The following SECISBP2L variants were observed in gnomAD, a reference collection of about 807,000 sequenced individuals.
SECISBP2L encodes selenocysteine insertion sequence-binding protein 2-like.
SECISBP2L carries 43 observed loss-of-function variants against 114.7 expected under a neutral mutation model. The observed-to-expected ratio is 0.38, with a 90% CI of 0.29 to 0.48. The LOEUF is 0.48. SECISBP2L is among the 20% of genes least tolerant of loss of function. The pLI is 0.98. For missense variants in SECISBP2L, 1,136 were observed against 1,301.1 expected (o/e 0.87, Z 1.95); for synonymous variants, 451 against 439.7 (o/e 1.03, Z -0.32).
In SECISBP2L at chr15:49,046,432, T is replaced by G; in HGVS notation, c.-133A>C. 3 of 1,002,724 alleles carry G rather than the reference T, an allele frequency of 3.0e-6. No individual in the cohort carries two copies. The highest frequency in any genetic ancestry group is 4.1e-6 in the Non-Finnish European group (3 of 731,460). The allele number at this position is 1,002,724 out of a possible 1,614,324, so 62.1% of individuals were successfully genotyped here. ...CCTATCTGGCTGGCCGCGACACCGA[T>G]TCGGCTACGCCACTGGCCGAGGAGG... is the stretch of plus-strand genomic sequence containing the variant. On this transcript the variant is annotated 5_prime_UTR_variant, in exon 1 of 18. Transcript: ENST00000559471.
intron 16 of SECISBP2L, among the ~76,000 whole-genome samples, chr15:48,998,059 A>G (rs569131529): frequency 6.6e-6 from 1 of 152,352 alleles, no homozygotes; most frequent in South Asian, 2.1e-4. Context: ...TCACAATGCA[A>G]CATACTCACA....
At chr15:49,026,885 G>C (rs1247053216) in intron 7 of SECISBP2L, among the ~76,000 whole-genome samples, 1 of 152,176 alleles carries the variant, frequency 6.6e-6, no homozygotes, top group African/African-American at 2.4e-5. Flanking sequence ...CTACTGTACT[G>C]CAGTTACACC....
At chr15:48,999,245 A>C (rs1192310615) in intron 16 of SECISBP2L, among the ~76,000 whole-genome samples, 1 of 152,206 alleles carries the variant, frequency 6.6e-6, no homozygotes, top group Non-Finnish European at 1.5e-5. Flanking sequence ...AGTACTTCAG[A>C]ATCAACTTTG....
At chr15:49,025,373 G>A (rs1054794123) in intron 7 of SECISBP2L, among the ~76,000 whole-genome samples, 1 of 152,118 alleles carries the variant, frequency 6.6e-6, no homozygotes, top group Non-Finnish European at 1.5e-5. Context: ...TATACATACT[G>A]AGGTACCTTG....
At chr15:49,023,416 C>T (rs1275776648) in intron 7 of SECISBP2L, among the ~76,000 whole-genome samples, 2 of 152,172 alleles carry the variant, frequency 1.3e-5, no homozygotes, top group African/African-American at 2.4e-5. Context: ...ATCCTGAAAA[C>T]GCACTATATC....
At chr15:49,016,063 G>C (rs1338879800) in intron 11 of SECISBP2L, among the ~76,000 whole-genome samples, 2 of 152,138 alleles carry the variant, frequency 1.3e-5, no homozygotes, top group Non-Finnish European at 2.9e-5. Flanking sequence ...AAGGTAATAG[G>C]GTCAGCTAAA....
In SECISBP2L at chr15:49,017,637, T is replaced by A. The variant is rs1484035213; in HGVS notation, c.1171-9A>T. The stretch of plus-strand genomic sequence containing the variant: ...TGAAACCCATCTTCATCCTGAAATG[T>A]TTCACATTTTAAGTAAAAAGAGTTC... On this transcript the variant is annotated splice_polypyrimidine_tract_variant and intron_variant, in intron 8 of 17. Transcript: ENST00000559471. 1.5e-5 allele frequency: 24 copies of A among 1,598,302 alleles called. No individual in the cohort carries two copies.
At chr15:49,013,931 T>A (rs72741938) in intron 11 of SECISBP2L, among the ~76,000 whole-genome samples, 6,723 of 152,248 alleles carry the variant, frequency 0.044, 239 homozygotes, top group East Asian at 0.15. Flanking sequence ...TAGAATCTTC[T>A]ATCTAAAAAA....
Position 49,016,706 on chromosome 15 carries a change from A to G in SECISBP2L, c.1420-5T>C, listed in dbSNP as rs761593513. The stretch of plus-strand genomic sequence containing the variant: ...AGCTGCTTTTGATAAAGCTTCCTAC[A>G]AAATAAATATAAAAAATTAATTTTT... On this transcript the variant is annotated splice_region_variant and splice_polypyrimidine_tract_variant and intron_variant, in intron 10 of 17. Coordinates refer to ENST00000559471, the MANE Select transcript of SECISBP2L (RefSeq NM_001193489.2). 6.4e-7 allele frequency: 1 copy of G among 1,550,582 alleles called. No homozygotes were observed.
chr15:48,991,188 G>T lies in SECISBP2L; in HGVS notation c.*1056C>A, dbSNP rs1901971118. 1 of 152,186 alleles carries T rather than the reference G, an allele frequency of 6.6e-6. No homozygotes were observed. The highest frequency in any genetic ancestry group is 2.1e-4 in the South Asian group (1 of 4,830). 9.4% of individuals were successfully genotyped at this position (152,186 alleles called of 1,614,324 possible). On this transcript the variant is annotated 3_prime_UTR_variant, in exon 18 of 18. Coordinates refer to ENST00000559471, the MANE Select transcript of SECISBP2L (RefSeq NM_001193489.2). ...TTGATTATCAGGATACATGTCACAAGTTGTGCAAAGTTCCTTTCCTTGACC... is the reference window on the plus strand; with the variant it reads ...TTGATTATCAGGATACATGTCACAATTTGTGCAAAGTTCCTTTCCTTGACC...
chr15:49,040,527 CTTTTTTT>C (rs66527715), intron 1 of SECISBP2L, among the ~76,000 whole-genome samples: 2 of 63,186 alleles, frequency 3.2e-5, no homozygotes, highest in African/African-American at 1.2e-4. Flanking sequence ...CCAAACTATT[CTTTTTTT>C]TTTTTTTTTT....
chr15:49,027,534 T>G (rs1456406902), intron 6 of SECISBP2L, 54 bp from the exon 7 acceptor site: 1 of 1,094,850 alleles, frequency 9.1e-7, no homozygotes, highest in Admixed American at 1.9e-5. Context: ...TAGGAAAACC[T>G]AAATTGACCT....
rs1355636173 is a variant in SECISBP2L, at chr15:48,990,769, C to G, written c.*1475G>C. The G allele has an allele frequency of 6.7e-6, 1 of 149,494 alleles. No homozygotes were observed. The highest frequency in any genetic ancestry group is 1.5e-5 in the Non-Finnish European group (1 of 67,730). 9.3% of individuals were successfully genotyped at this position (149,494 alleles called of 1,614,324 possible). A position where few individuals can be genotyped will look rare whatever the true frequency, so the allele number is the denominator to read the frequency against. Reference sequence around the variant, plus strand: ...GATAATCAGGGCAGGGATAATACCCCTTCCTTCTCAGTTTTGTGCCTGCTT... The same window carrying G: ...GATAATCAGGGCAGGGATAATACCCGTTCCTTCTCAGTTTTGTGCCTGCTT... On this transcript the variant is annotated 3_prime_UTR_variant, in exon 18 of 18. Coordinates refer to ENST00000559471, the MANE Select transcript of SECISBP2L (RefSeq NM_001193489.2).
intron 4 of SECISBP2L, among the ~76,000 whole-genome samples, chr15:49,029,631 A>C (rs1013870268): frequency 6.6e-6 from 1 of 152,208 alleles, no homozygotes; most frequent in Admixed American, 6.5e-5. Flanking sequence ...CAGACACATG[A>C]ACATGCATAT....
intron 13 of SECISBP2L, among the ~76,000 whole-genome samples, chr15:49,010,234 C>CAATCTAA (rs1902411273): frequency 6.7e-6 from 1 of 149,046 alleles, no homozygotes; most frequent in Non-Finnish European, 1.5e-5. Context: ...TTTTTTTAAA[C>CAATCTAA]AATCTAAAAC....
chr15:49,019,488 G>C lies in SECISBP2L; in HGVS notation c.1100C>G (p.Pro367Arg). The change falls in exon 8 of 18, where the codon CCA becomes CGA. Residue 367 changes from proline to arginine, a missense_variant. Physicochemically the swap from Pro to Arg is moderately radical, Grantham distance 103. Around this residue, in one of 2 missense-constraint regions of SECISBP2L, gnomAD observed 452 missense variants for 452.3 expected, o/e 1.00. Coordinates refer to ENST00000559471, the MANE Select transcript of SECISBP2L (RefSeq NM_001193489.2). ...SERRQNLQKR[P>R]DNKHLSSSQS... ...ACTAGAGCTTAAATGCTTATTATCTGGTCTCTTTTGCAAATTCTGTCTTCT... is the reference window on the plus strand; with the variant it reads ...ACTAGAGCTTAAATGCTTATTATCTCGTCTCTTTTGCAAATTCTGTCTTCT... 1 of 1,511,024 alleles carries C rather than the reference G, an allele frequency of 6.6e-7. No individual in the cohort carries two copies. The highest frequency in any genetic ancestry group is 8.8e-7 in the Non-Finnish European group (1 of 1,136,590). The allele number at this position is 1,511,024 out of a possible 1,614,324, so 93.6% of individuals were successfully genotyped here.
chr15:49,027,514 T>G (rs1435378966), intron 6 of SECISBP2L, 34 bp from the exon 7 acceptor site: 2 of 1,378,464 alleles, frequency 1.5e-6, no homozygotes, highest in African/African-American at 2.9e-5. Flanking sequence ...TATAATTTAC[T>G]TATAAAAGGT....
At chr15:49,012,031 G>T (rs1902447375) in intron 12 of SECISBP2L, among the ~76,000 whole-genome samples, 168 bp from the exon 13 acceptor site, 1 of 151,918 alleles carries the variant, frequency 6.6e-6, no homozygotes. Flanking sequence ...TAAGTTGAAG[G>T]AAGTACTGCA....
intron 11 of SECISBP2L, 28 bp from the exon 12 acceptor site, chr15:49,012,845 A>G (rs748401106): frequency 1.9e-6 from 3 of 1,593,606 alleles, no homozygotes; most frequent in Non-Finnish European, 8.5e-7. Context: ...CATTAGTTTC[A>G]CCATTAGGGC....
Sources: allele counts gnomAD v4.1 joint callset (sites outside exome capture counted in the v4.1 genomes callset), GRCh38; gene constraint gnomAD v4.1.1; regional missense constraint gnomAD v4.1.1; transcripts MANE v1.5; gene names NCBI Gene and HGNC (gene_info 2026-07-23, HGNC 2026-07-21).